The following PSD3 variants were observed in gnomAD, a reference collection of about 807,000 sequenced individuals.
The protein encoded by PSD3 is pleckstrin and Sec7 domain containing 3, also known as PH and SEC7 domain-containing protein 3.
In PSD3, 49 loss-of-function variants were observed where a neutral mutation model predicts 105.5. The ratio of observed to expected loss-of-function variants is 0.46; its 90% CI spans 0.37 to 0.59. The LOEUF (loss-of-function observed/expected upper bound fraction) is 0.59, where lower values mean the gene tolerates loss of function less well. PSD3 is among the 20% of genes least tolerant of loss of function. PSD3 has a pLI of 0.00. For synonymous variants in PSD3, 557 were observed against 457.8 expected (o/e 1.22, Z -2.77); for missense variants, 1,561 against 1,263.8 (o/e 1.24, Z -3.57).
chr8:18,825,486 C>T (rs531937005), intron 4 of PSD3, among the ~76,000 whole-genome samples: 2 of 152,130 alleles, frequency 1.3e-5, no homozygotes, highest in Non-Finnish European at 2.9e-5. Context: ...ACCGTAACTA[C>T]CTTGTATTTT....
intron 1 of PSD3, among the ~76,000 whole-genome samples, chr8:19,051,677 T>C (rs1828534454): frequency 6.6e-6 from 1 of 152,196 alleles, no homozygotes; most frequent in Non-Finnish European, 1.5e-5. Flanking sequence ...TGTCATTGTG[T>C]CATGCTGATT....
At chr8:18,570,843 C>CTATCATTATTATTATTAT (rs149261930) in intron 14 of PSD3, among the ~76,000 whole-genome samples, 4 of 117,418 alleles carry the variant, frequency 3.4e-5, no homozygotes, top group African/African-American at 1.1e-4. Context: ...CTGCTTAAAA[C>CTATCATTATTATTATTAT]TATTATTATT....
At chr8:18,754,934 T>C (rs1315776812) in intron 9 of PSD3, among the ~76,000 whole-genome samples, 2 of 152,176 alleles carry the variant, frequency 1.3e-5, no homozygotes, top group African/African-American at 4.8e-5. Flanking sequence ...TTTGCCATGG[T>C]AGTTCCACTT....
rs561564646 is a variant in PSD3, at chr8:18,752,272, G to A, written c.2172+13177C>T. ...CAGAATCACTGACACTGTGTTTTACGGAAAACTGAAATTATTTCTTTAATG... is the reference window on the plus strand; with the variant it reads ...CAGAATCACTGACACTGTGTTTTACAGAAAACTGAAATTATTTCTTTAATG... On this transcript the variant is annotated intron_variant, in intron 9 of 15. Coordinates refer to ENST00000327040, the MANE Select transcript of PSD3 (RefSeq NM_015310.4). Among the ~76,000 whole-genome samples, 6 of 149,946 alleles carry A rather than the reference G, an allele frequency of 4.0e-5. No homozygotes were observed. The South Asian group carries it at 8.4e-4, about 21-fold the overall frequency.
chr8:18,985,425 T>G (rs1420301469), intron 1 of PSD3, among the ~76,000 whole-genome samples: 1 of 152,218 alleles, frequency 6.6e-6, no homozygotes, highest in Non-Finnish European at 1.5e-5. Context: ...ACTGTCCTAT[T>G]GTGTTTCTTG....
chr8:18,613,334 C>G (rs1189069275), intron 11 of PSD3, among the ~76,000 whole-genome samples: 2 of 152,098 alleles, frequency 1.3e-5, no homozygotes, highest in African/African-American at 2.4e-5. Flanking sequence ...GAAGTTTGCA[C>G]TGTTTGCAGG....
At chr8:18,665,515 G>A (rs768628761) in intron 9 of PSD3, among the ~76,000 whole-genome samples, 10 of 152,294 alleles carry the variant, frequency 6.6e-5, no homozygotes, top group South Asian at 2.1e-4. Flanking sequence ...AACTACCCCC[G>A]GTGAAGATGC....
At chr8:18,680,258 C>T (rs761585061) in intron 9 of PSD3, among the ~76,000 whole-genome samples, 1 of 152,156 alleles carries the variant, frequency 6.6e-6, no homozygotes, top group Non-Finnish European at 1.5e-5. Flanking sequence ...TTCTGGAGTA[C>T]AGTTGGCCCT....
chr8:18,587,214 C>G (rs9325832), intron 12 of PSD3, among the ~76,000 whole-genome samples: 9,257 of 152,154 alleles, frequency 0.061, 527 homozygotes, highest in East Asian at 0.21. Flanking sequence ...CCACACAGGT[C>G]CTGTGAGGAG....
At chr8:18,622,286 T>C (rs2130717867) in intron 11 of PSD3, among the ~76,000 whole-genome samples, 1 of 152,350 alleles carries the variant, frequency 6.6e-6, no homozygotes, top group African/African-American at 2.4e-5. Context: ...CTCCTTTGAT[T>C]CATTTCTTCC....
At chr8:18,934,023 G>A (rs1821915517) in intron 2 of PSD3, among the ~76,000 whole-genome samples, 1 of 152,078 alleles carries the variant, frequency 6.6e-6, no homozygotes, top group Non-Finnish European at 1.5e-5. Context: ...TTTTTTTACT[G>A]TATCTAAGAG....
At position 19,074,584 on chromosome 8, in the gene PSD3, G is replaced by GATATATATATATATATATAT. The variant is rs57891868; in HGVS notation, c.324+9621_324+9622insATATATATATATATATATAT. Among the ~76,000 whole-genome samples the GATATATATATATATATATAT allele has an allele frequency of 8.1e-4, 81 of 99,494 alleles. 8 individuals carry two copies. The highest frequency in any genetic ancestry group is 1.3e-3 in the Non-Finnish European group (60 of 47,836). The allele number at this position is 99,494 out of a possible 152,430, so 65.3% of individuals were successfully genotyped here. A position where few individuals can be genotyped will look rare whatever the true frequency, so the allele number is the denominator to read the frequency against. ...ATAAAAGGTATAATTTTACAACTCA[G>GATATATATATATATATATAT]ATATATACATATATATATATATATA... On this transcript the variant is annotated intron_variant, in intron 1 of 1. Coordinates refer to the PSD3 transcript ENST00000521475.
intron 1 of PSD3, among the ~76,000 whole-genome samples, chr8:18,991,353 TACACACACACACACACACATACACAC>T (rs1172981691): frequency 5.2e-5 from 3 of 57,526 alleles, no homozygotes; most frequent in East Asian, 4.8e-4. Flanking sequence ...CACACACACA[TACACACACACACACACACATACACAC>T]ACACACACAC....
chr8:18,806,991 A>T (rs1439771806), intron 4 of PSD3, among the ~76,000 whole-genome samples: 1 of 152,180 alleles, frequency 6.6e-6, no homozygotes, highest in African/African-American at 2.4e-5. Flanking sequence ...AATATGCCCA[A>T]ACCACCGGAT....
At chr8:18,839,212 GGT>G (rs1190284761) in intron 4 of PSD3, among the ~76,000 whole-genome samples, 1 of 151,996 alleles carries the variant, frequency 6.6e-6, no homozygotes, top group Non-Finnish European at 1.5e-5. Flanking sequence ...GTGTAAATGT[GGT>G]GAGTTCATCA....
chr8:18,679,959 C>T (rs1196832950), intron 9 of PSD3, among the ~76,000 whole-genome samples: 2 of 152,160 alleles, frequency 1.3e-5, no homozygotes, highest in African/African-American at 4.8e-5. Context: ...GATTCAGCCA[C>T]GCATGTTATA....
chr8:18,609,273 C>T (rs763596046), intron 11 of PSD3, among the ~76,000 whole-genome samples: 1 of 152,098 alleles, frequency 6.6e-6, no homozygotes, highest in South Asian at 2.1e-4. Flanking sequence ...GGCGTGAAGG[C>T]CGACAATGCA....
intron 9 of PSD3, among the ~76,000 whole-genome samples, chr8:18,699,949 A>T (rs1046729354): frequency 2.0e-5 from 3 of 152,296 alleles, no homozygotes; most frequent in Middle Eastern, 3.4e-3. Flanking sequence ...CAACTGATTA[A>T]CTTTTTGAAA....
chr8:19,055,564 T>A (rs1031747211), intron 1 of PSD3, among the ~76,000 whole-genome samples: 2 of 151,470 alleles, frequency 1.3e-5, no homozygotes, highest in Non-Finnish European at 2.9e-5. Flanking sequence ...ATTTGTAGAC[T>A]TTTTTTTCAC....
Sources: allele counts gnomAD v4.1 joint callset (sites outside exome capture counted in the v4.1 genomes callset), GRCh38; gene constraint gnomAD v4.1.1; transcripts MANE v1.5; gene names NCBI Gene and HGNC (gene_info 2026-07-23, HGNC 2026-07-21).